ABCC6: variants seen among roughly 807,000 people sequenced by gnomAD.
ABCC6 encodes ATP binding cassette subfamily C member 6.
ABCC6 carries 126 observed loss-of-function variants against 169.5 expected under a neutral mutation model. That is an observed-to-expected ratio of 0.74 (90% CI 0.64 to 0.86). ABCC6 has a LOEUF of 0.86. Ranked by LOEUF, ABCC6 falls within the 40% of genes least tolerant of loss-of-function variation. The pLI is 0.00. For synonymous variants in ABCC6, 752 were observed against 814.7 expected (o/e 0.92, Z 1.31); for missense variants, 1,733 against 1,927.2 (o/e 0.90, Z 1.89).
intron 7 of ABCC6, among the ~76,000 whole-genome samples, chr16:16,204,904 C>T (rs1465643513): frequency 2.0e-5 from 3 of 149,872 alleles, no homozygotes; most frequent in African/African-American, 4.9e-5. Context: ...GTAGCAATCT[C>T]GGCTCACCGC....
chr16:16,185,191 G>C (rs150467), intron 14 of ABCC6, among the ~76,000 whole-genome samples, 157 bp from the exon 15 acceptor site: 77,686 of 152,072 alleles, frequency 0.51, 20,331 homozygotes, highest in Non-Finnish European at 0.57. Context: ...TCACTGGCTT[G>C]TGGGTGACCC....
chr16:16,196,577 G>A lies in ABCC6; in HGVS notation c.1338+1444C>T, dbSNP rs1165807950. Reference sequence around the variant, plus strand: ...TGCTACTGTTAATTATGATCCTCACGTTGGAGACAAGAACAGGAGGCACAG... The same window carrying A: ...TGCTACTGTTAATTATGATCCTCACATTGGAGACAAGAACAGGAGGCACAG... On this transcript the variant is annotated intron_variant, in intron 10 of 30. Transcript: ENST00000205557. Among the ~76,000 whole-genome samples the A allele has an allele frequency of 3.9e-5, 6 of 152,340 alleles. No individual in the cohort carries two copies. In the South Asian group the frequency reaches 1.2e-3, roughly 32 times the overall value.
In ABCC6 at chr16:16,150,789, C is replaced by CAATT. The variant is rs999447698; in HGVS notation, c.4209-21_4209-18dup. 1.2e-6 allele frequency: 2 copies of CAATT among 1,612,510 alleles called. No individual in the cohort carries two copies. Among genetic ancestry groups the CAATT allele is most frequent in the African/African-American group, 2.7e-5 (2 of 74,936 alleles). On this transcript the variant is annotated splice_polypyrimidine_tract_variant and intron_variant, in intron 29 of 30. Transcript: ENST00000205557. ...TGGCCCACGCTGGGAACGATTGGGA[C>CAATT]AATTAGCTGGGACGTGCGTTTGTCG...
At chr16:16,187,756 G>A (rs2047695821) in intron 13 of ABCC6, among the ~76,000 whole-genome samples, 1 of 152,112 alleles carries the variant, frequency 6.6e-6, no homozygotes, top group Admixed American at 6.5e-5. Flanking sequence ...TTAGCCGGAT[G>A]TGGTGGCCCA....
chr16:16,150,723 T>G lies in ABCC6; in HGVS notation c.4258A>C (p.Thr1420Pro), dbSNP rs571678512. The change falls in exon 30 of 31, where the codon ACC becomes CCC. Residue 1420 changes from threonine (T) to proline (P), a missense_variant. By Grantham distance (38) the Thr-to-Pro change is conservative (BLOSUM62 -1). Around this residue, in one of 5 missense-constraint regions of ABCC6, gnomAD observed 1,601 missense variants for 1,635.5 expected, o/e 0.98. Coordinates refer to ENST00000205557, the MANE Select transcript of ABCC6 (RefSeq NM_001171.6). ...GCCTCGTCCAGGATGAGGATCTGGG[T>G]CTTCCGGAGAAGGGCACGTGCCAGA... ...LCLARALLRK[T>P]QILILDEATA... The G allele has an allele frequency of 3.7e-6, 6 of 1,613,948 alleles. No homozygotes were observed. In the African/African-American group the frequency reaches 8.0e-5, roughly 21 times the overall value.
intron 19 of ABCC6, 58 bp from the exon 20 acceptor site, chr16:16,176,044 CACTGACT>C: frequency 6.5e-7 from 1 of 1,538,808 alleles, no homozygotes; most frequent in South Asian, 1.1e-5. Context: ...CTTTGACACC[CACTGACT>C]ATGTGGCCTT....
chr16:16,152,390 C>G (rs998424012), intron 29 of ABCC6, among the ~76,000 whole-genome samples: 4 of 151,770 alleles, frequency 2.6e-5, no homozygotes, highest in African/African-American at 9.7e-5. Context: ...GAAACAGCAT[C>G]CTTTTACATG....
In ABCC6 at chr16:16,151,978, A is replaced by G. The variant is rs577033417; in HGVS notation, c.4209-1206T>C. On this transcript the variant is annotated intron_variant, in intron 29 of 30. Coordinates refer to ENST00000205557, the MANE Select transcript of ABCC6 (RefSeq NM_001171.6). ...GAGGCTGAGGTGGGCGGATCACGAG[A>G]TCAGGAGATCGAGACCATCCTGGCT... is the stretch of plus-strand genomic sequence containing the variant. 1.1e-4 allele frequency among the ~76,000 whole-genome samples: 16 copies of G among 151,940 alleles called. 1 individual carries two copies. In the East Asian group the frequency reaches 2.9e-3, roughly 28 times the overall value.
chr16:16,154,859 T>A lies in ABCC6; in HGVS notation c.4041+14A>T. ...ATGCCTCCCATCTTTGCCCACCCCC[T>A]CCACCAGCCTCACCTGGGGGATGAT... is the stretch of plus-strand genomic sequence containing the variant. On this transcript the variant is annotated intron_variant, in intron 28 of 30. Transcript: ENST00000205557. The A allele has an allele frequency of 1.9e-6, 3 of 1,611,504 alleles. No individual in the cohort carries two copies. Among genetic ancestry groups the A allele is most frequent in the Non-Finnish European group, 8.5e-7 (1 of 1,178,982 alleles).
chr16:16,188,922 T>G lies in ABCC6; in HGVS notation c.1688A>C (p.Asn563Thr). 6.2e-7 allele frequency: 1 copy of G among 1,614,120 alleles called. No individual in the cohort carries two copies. Among genetic ancestry groups the G allele is most frequent in the Non-Finnish European group, 8.5e-7 (1 of 1,180,020 alleles). ...GAGAGTCACAAAGGCTTTCTCTGCA[T>G]TCATAGCATTCTCGGCCACCAGAGT... ...VHTLVAENAM[N>T]AEKAFVTLTV... The change falls in exon 13 of 31, where the codon AAT becomes ACT. Residue 563 changes from asparagine to threonine, a missense_variant. By Grantham distance (65) the Asn-to-Thr change is moderately conservative (BLOSUM62 0). Around this residue, in one of 5 missense-constraint regions of ABCC6, gnomAD observed 1,601 missense variants for 1,635.5 expected, o/e 0.98. Transcript: ENST00000205557.
chr16:16,165,109 C>A (rs2046834449), intron 23 of ABCC6, among the ~76,000 whole-genome samples: 1 of 152,188 alleles, frequency 6.6e-6, no homozygotes, highest in Admixed American at 6.5e-5. Flanking sequence ...AGGCTCTGGC[C>A]CTTAATATTT....
At chr16:16,175,073 C>T (rs2047233635) in intron 20 of ABCC6, among the ~76,000 whole-genome samples, 1 of 152,040 alleles carries the variant, frequency 6.6e-6, no homozygotes, top group Admixed American at 6.6e-5. Context: ...GCCACCATGC[C>T]CAGCCTTAAT....
chr16:16,166,076 G>T (rs2046865182), intron 22 of ABCC6, 143 bp from the exon 23 acceptor site: 2 of 820,254 alleles, frequency 2.4e-6, no homozygotes, highest in Non-Finnish European at 3.8e-6. Flanking sequence ...TTTGAGACAG[G>T]GTCTCACTCT....
At chr16:16,172,112 T>G (rs2047112896) in intron 21 of ABCC6, among the ~76,000 whole-genome samples, 1 of 116,846 alleles carries the variant, frequency 8.6e-6, no homozygotes, top group Admixed American at 9.4e-5. Flanking sequence ...AATGAGTGGG[T>G]GGGATGGATA....
chr16:16,172,157 G>C (rs2047117348), intron 21 of ABCC6, among the ~76,000 whole-genome samples: 1 of 133,098 alleles, frequency 7.5e-6, no homozygotes, highest in Non-Finnish European at 1.6e-5. Flanking sequence ...GAGTGAGTGG[G>C]ATGGATAAAT....
At chr16:16,198,420 G>A (rs2048126639) in intron 9 of ABCC6, among the ~76,000 whole-genome samples, 1 of 152,214 alleles carries the variant, frequency 6.6e-6, no homozygotes, top group Admixed American at 6.5e-5. Context: ...GAAAACACCA[G>A]ATTAACACAG....
intron 29 of ABCC6, 135 bp downstream of exon 29, chr16:16,154,493 T>C: frequency 8.7e-7 from 1 of 1,146,092 alleles, no homozygotes; most frequent in Non-Finnish European, 1.2e-6. Context: ...GAATTGCAGA[T>C]AAGAGACATG....
At chr16:16,209,972 C>T (rs897401812) in intron 6 of ABCC6, among the ~76,000 whole-genome samples, 2 of 151,882 alleles carry the variant, frequency 1.3e-5, no homozygotes, top group African/African-American at 4.8e-5. Flanking sequence ...CTCAAGTGAT[C>T]TGTCAGGGTT....
intron 5 of ABCC6, among the ~76,000 whole-genome samples, chr16:16,212,669 T>C (rs1284323213): frequency 2.0e-5 from 3 of 151,610 alleles, no homozygotes; most frequent in Non-Finnish European, 4.4e-5. Context: ...TTGCCAGGGG[T>C]GTAGACCAGT....
Sources: allele counts gnomAD v4.1 joint callset (sites outside exome capture counted in the v4.1 genomes callset), GRCh38; gene constraint gnomAD v4.1.1; regional missense constraint gnomAD v4.1.1; transcripts MANE v1.5; gene names NCBI Gene and HGNC (gene_info 2026-07-23, HGNC 2026-07-21).